Variants in PSAP observed in about 807,000 individuals in gnomAD.
PSAP encodes precursor of saposins.
PSAP carries 25 observed loss-of-function variants against 66.0 expected under a neutral mutation model. The ratio of observed to expected loss-of-function variants is 0.38; its 90% CI spans 0.28 to 0.53. The LOEUF (loss-of-function observed/expected upper bound fraction) is 0.53. Ranked by LOEUF, PSAP falls within the 20% of genes least tolerant of loss-of-function variation. PSAP has a pLI of 0.83. For synonymous variants in PSAP, 273 were observed against 258.9 expected (o/e 1.05, Z -0.52); for missense variants, 649 against 668.8 (o/e 0.97, Z 0.33).
intron 7 of PSAP, among the ~76,000 whole-genome samples, chr10:71,824,419 G>C (rs1004103190): frequency 6.6e-6 from 1 of 152,220 alleles, no homozygotes; most frequent in Non-Finnish European, 1.5e-5. Flanking sequence ...ATTTAACAAT[G>C]TATCCAAAGC....
intron 4 of PSAP, 44 bp downstream of exon 4, chr10:71,831,082 C>T: frequency 6.2e-7 from 1 of 1,611,784 alleles, no homozygotes; most frequent in Non-Finnish European, 8.5e-7. Flanking sequence ...CTCTCCTGGG[C>T]CCCAGAAGCA....
intron 2 of PSAP, among the ~76,000 whole-genome samples, chr10:71,833,102 C>T (rs1842553562): frequency 6.6e-6 from 1 of 150,652 alleles, no homozygotes; most frequent in Admixed American, 6.6e-5. Flanking sequence ...TTACGGGACA[C>T]ACATTAAACC....
At chr10:71,823,477 G>A (rs567123967) in intron 7 of PSAP, among the ~76,000 whole-genome samples, 139 of 152,312 alleles carry the variant, frequency 9.1e-4, no homozygotes, top group African/African-American at 3.0e-3. Context: ...GCCTACTTGC[G>A]TTGTGACAGA....
chr10:71,828,965 T>A lies in PSAP; in HGVS notation c.488A>T (p.Asp163Val), dbSNP rs146301708. ...QLESNKIPEL[D>V]MTEVVAPFMA... ...GAAGGGGGCCACCACCTCAGTCATGTCCAGCTCTGGGATCTTATTGGACTC... is the reference window on the plus strand; with the variant it reads ...GAAGGGGGCCACCACCTCAGTCATGACCAGCTCTGGGATCTTATTGGACTC... Residue 163 changes from aspartate (D) to valine (V), a missense_variant, in exon 5 of 14, where the codon GAC becomes GTC. Asp to Val is a radical substitution (Grantham distance 152). Coordinates refer to ENST00000394936, the MANE Select transcript of PSAP (RefSeq NM_002778.4). The A allele has an allele frequency of 1.7e-5, 27 of 1,614,076 alleles. No individual in the cohort carries two copies. The highest frequency in any genetic ancestry group is 2.2e-5 in the Non-Finnish European group (26 of 1,180,042).
At position 71,824,504 on chromosome 10, in the gene PSAP, T is replaced by G. The variant is rs77555146; in HGVS notation, c.777+1333A>C. On this transcript the variant is annotated intron_variant, in intron 7 of 13. Coordinates refer to ENST00000394936, the MANE Select transcript of PSAP (RefSeq NM_002778.4). ...AAAGGCAGGGATATGCATATATGTATGCATTTGGCTATAAGGATATTCATC... is the reference window on the plus strand; with the variant it reads ...AAAGGCAGGGATATGCATATATGTAGGCATTTGGCTATAAGGATATTCATC... 2.0e-5 allele frequency among the ~76,000 whole-genome samples: 3 copies of G among 152,374 alleles called. No homozygotes were observed. The East Asian group carries it at 5.8e-4, about 29-fold the overall frequency.
intron 7 of PSAP, 159 bp from the exon 8 acceptor site, chr10:71,822,166 G>GT (rs1280389738): frequency 5.4e-6 from 5 of 931,510 alleles, no homozygotes; most frequent in Non-Finnish European, 8.4e-6. Context: ...CAGTTTCCAT[G>GT]TTAAAGGGCT....
chr10:71,822,554 C>T (rs1172475556), intron 7 of PSAP: 2 of 471,506 alleles, frequency 4.2e-6, no homozygotes, highest in African/African-American at 2.0e-5. Context: ...CATGAAAACC[C>T]AACCCGCCAA....
At chr10:71,827,045 T>C (rs546125160) in intron 6 of PSAP, among the ~76,000 whole-genome samples, 1 of 152,314 alleles carries the variant, frequency 6.6e-6, no homozygotes, top group East Asian at 1.9e-4. Context: ...GCGACCATGC[T>C]TGCTGCAGGA....
At chr10:71,834,227 T>G in intron 2 of PSAP, 145 bp downstream of exon 2, 1 of 1,339,844 alleles carries the variant, frequency 7.5e-7, no homozygotes, top group Non-Finnish European at 1.0e-6. Context: ...CACCAATAGG[T>G]CCTGCCTCCC....
At chr10:71,830,633 G>C (rs1293886804) in intron 4 of PSAP, among the ~76,000 whole-genome samples, 3 of 152,152 alleles carry the variant, frequency 2.0e-5, no homozygotes, top group Non-Finnish European at 4.4e-5. Context: ...TCTTTGTCAA[G>C]GCCTTTCCAA....
rs114866448 is a variant in PSAP, at chr10:71,840,342, C to T, written c.41-5837G>A. 3.1e-3 allele frequency among the ~76,000 whole-genome samples: 466 copies of T among 152,288 alleles called. 3 individuals are homozygous for T. The highest frequency in any genetic ancestry group is 0.01 in the African/African-American group (428 of 41,562). On this transcript the variant is annotated intron_variant, in intron 1 of 13. Coordinates refer to ENST00000394936, the MANE Select transcript of PSAP (RefSeq NM_002778.4). ...CAAGAGAGGATAACCCCTGGAGGAG[C>T]GGCTTCTACCGCAGGGCATTTCTCA...
chr10:71,820,196 G>A lies in PSAP; in HGVS notation c.1005+44C>T, dbSNP rs116152461. On this transcript the variant is annotated intron_variant, in intron 9 of 13. Coordinates refer to ENST00000394936, the MANE Select transcript of PSAP (RefSeq NM_002778.4). ...CTTTCCCACTGGGACATTCAGGCTC[G>A]GGGGGGCAGGAGAGGCCCTCCCTCT... is the stretch of plus-strand genomic sequence containing the variant. The A allele has an allele frequency of 2.2e-3, 3,367 of 1,517,380 alleles. 61 individuals are homozygous for A. In the African/African-American group the frequency reaches 0.042, roughly 19 times the overall value. 94.0% of individuals were successfully genotyped at this position (1,517,380 alleles called of 1,614,324 possible).
intron 1 of PSAP, among the ~76,000 whole-genome samples, chr10:71,843,490 C>T (rs1842766743): frequency 6.6e-6 from 1 of 152,216 alleles, no homozygotes; most frequent in South Asian, 2.1e-4. Flanking sequence ...GTGACAAATA[C>T]TGGCCAAAAG....
At chr10:71,823,828 A>C in intron 7 of PSAP, 1 of 1,238,272 alleles carries the variant, frequency 8.1e-7, no homozygotes, top group Non-Finnish European at 1.0e-6. Context: ...AAAAAAAAAA[A>C]AGCAAAGTAA....
intron 4 of PSAP, among the ~76,000 whole-genome samples, chr10:71,830,702 G>A (rs548370462): frequency 8.8e-4 from 134 of 152,332 alleles, no homozygotes; most frequent in Middle Eastern, 3.4e-3. Context: ...CACAGGGTTT[G>A]TGTCTGTGTA....
chr10:71,849,611 CAAACAAACAAACA>C (rs1419014512), intron 1 of PSAP, among the ~76,000 whole-genome samples: 1 of 150,380 alleles, frequency 6.6e-6, no homozygotes. Flanking sequence ...TCTCAAAAAA[CAAACAAACAAACA>C]AAACAAACAA....
At chr10:71,833,777 A>G (rs1842567131) in intron 2 of PSAP, among the ~76,000 whole-genome samples, 1 of 152,182 alleles carries the variant, frequency 6.6e-6, no homozygotes, top group Admixed American at 6.5e-5. Flanking sequence ...TTAATACGCT[A>G]CATTTAGCAT....
At chr10:71,841,754 C>G (rs979209996) in intron 1 of PSAP, among the ~76,000 whole-genome samples, 2 of 152,102 alleles carry the variant, frequency 1.3e-5, no homozygotes, top group African/African-American at 4.8e-5. Flanking sequence ...GCCTGTAATT[C>G]CAGCACTTTG....
intron 2 of PSAP, among the ~76,000 whole-genome samples, chr10:71,832,712 G>A (rs375385081): frequency 6.6e-6 from 1 of 152,058 alleles, no homozygotes; most frequent in African/African-American, 2.4e-5. Context: ...GGAAACAGAG[G>A]GTCAAGGGTA....
Sources: allele counts gnomAD v4.1 joint callset (sites outside exome capture counted in the v4.1 genomes callset), GRCh38; gene constraint gnomAD v4.1.1; transcripts MANE v1.5; gene names NCBI Gene and HGNC (gene_info 2026-07-23, HGNC 2026-07-21).